MAPK6: variants seen among roughly 807,000 people sequenced by gnomAD.
The protein encoded by MAPK6 is ERK-3.
A neutral mutation model predicts 59.3 loss-of-function variants in MAPK6; 19 were observed. The observed-to-expected ratio is 0.32, with a 90% CI of 0.22 to 0.47. The LOEUF (loss-of-function observed/expected upper bound fraction) is 0.47. Among genes scored for constraint, MAPK6 ranks in the 20% least tolerant of loss-of-function variants. MAPK6 has a pLI of 1.00. For synonymous variants in MAPK6, 316 were observed against 290.3 expected (o/e 1.09, Z -0.90); for missense variants, 724 against 847.9 (o/e 0.85, Z 1.81).
chr15:52,036,660 G>A (rs868224911), intron 1 of MAPK6, among the ~76,000 whole-genome samples: 9 of 152,184 alleles, frequency 5.9e-5, no homozygotes, highest in Admixed American at 1.3e-4. Flanking sequence ...TCAAAGCATG[G>A]CACGGGCCTA....
At chr15:52,058,494 A>G (rs1430465725) in intron 3 of MAPK6, 139 bp from the exon 4 acceptor site, 5 of 633,444 alleles carry the variant, frequency 7.9e-6, no homozygotes, top group African/African-American at 3.7e-5. Context: ...GTGATAGTCA[A>G]AGCAATGAAA....
chr15:52,018,555 C>T (rs558339694), upstream of MAPK6: 1 of 152,226 alleles, frequency 6.6e-6, no homozygotes, highest in Admixed American at 6.5e-5. Flanking sequence ...TGCTTTTAGC[C>T]AAGTGGGCCC....
chr15:52,064,626 G>C lies in MAPK6; in HGVS notation c.1792G>C (p.Val598Leu). ...CCAGTCTTCTTGGGACAGCCAGTTT[G>C]TGAGTGGTGGGGAGGACTGTTTTTT... Reference protein sequence around the residue: ...LYQSSWDSQFVSGGEDCFFIN... With the variant: ...LYQSSWDSQFLSGGEDCFFIN... Residue 598 changes from valine to leucine, a missense_variant, in exon 6 of 6, where the codon GTG (valine) becomes CTG (leucine). Val to Leu is a conservative substitution (Grantham distance 32). Transcript: ENST00000261845. The C allele has an allele frequency of 1.2e-6, 2 of 1,611,832 alleles. No homozygotes were observed. The highest frequency in any genetic ancestry group is 8.5e-7 in the Non-Finnish European group (1 of 1,179,730).
intron 2 of MAPK6, among the ~76,000 whole-genome samples, chr15:51,985,750 ACATCAAGAC>A (rs1185178623): frequency 6.6e-6 from 1 of 152,132 alleles, no homozygotes; most frequent in Non-Finnish European, 1.5e-5. Context: ...CAAGGTCAGG[ACATCAAGAC>A]CATCCTGGCT....
intron 2 of MAPK6, among the ~76,000 whole-genome samples, chr15:51,999,250 C>T (rs1259898120): frequency 1.3e-5 from 2 of 152,040 alleles, no homozygotes; most frequent in African/African-American, 4.8e-5. Flanking sequence ...CACCTGCCCT[C>T]AGCCTCCCAA....
chr15:52,033,798 T>A (rs1411170713), intron 1 of MAPK6: 2 of 152,108 alleles, frequency 1.3e-5, no homozygotes, highest in Non-Finnish European at 2.9e-5. Context: ...TTTTTTATTT[T>A]ATTTTTTCCT....
chr15:52,018,194 C>T (rs1057513971), upstream of MAPK6, among the ~76,000 whole-genome samples: 1 of 151,200 alleles, frequency 6.6e-6, no homozygotes, highest in Admixed American at 6.7e-5. Flanking sequence ...CACCCGGCTA[C>T]TTTTTGTATT....
In MAPK6 at chr15:52,065,761, TGGCACTATG is replaced by T. The variant is rs2032397711; in HGVS notation, c.*763_*771del. Reference sequence around the variant, plus strand: ...GCAAATATACTTTACTTTTTCCATTTGGCACTATGGTTTGTTGCCTACCTAGCTGCATCT... The same window carrying T: ...GCAAATATACTTTACTTTTTCCATTTGTTTGTTGCCTACCTAGCTGCATCT... On this transcript the variant is annotated 3_prime_UTR_variant, in exon 6 of 6. Coordinates refer to ENST00000261845, the MANE Select transcript of MAPK6 (RefSeq NM_002748.4). The T allele has an allele frequency of 6.6e-6, 1 of 152,588 alleles. No individual in the cohort carries two copies. Among genetic ancestry groups the T allele is most frequent in the Non-Finnish European group, 1.5e-5 (1 of 68,022 alleles). The allele number at this position is 152,588 out of a possible 1,614,324, so 9.5% of individuals were successfully genotyped here.
chr15:51,974,733 C>T (rs187207024), intron 1 of MAPK6, among the ~76,000 whole-genome samples: 7 of 150,640 alleles, frequency 4.6e-5, no homozygotes, highest in East Asian at 2.0e-4. Context: ...TTTCCCCCCC[C>T]GCAAGACAGA....
chr15:52,051,875 A>C (rs929853134), intron 3 of MAPK6, among the ~76,000 whole-genome samples: 13 of 152,144 alleles, frequency 8.5e-5, no homozygotes, highest in Non-Finnish European at 1.6e-4. Context: ...GTCTCAAAAA[A>C]AAAAAAAAAA....
chr15:52,026,124 A>G (rs1338254825), intron 1 of MAPK6, among the ~76,000 whole-genome samples: 1 of 152,166 alleles, frequency 6.6e-6, no homozygotes, highest in Non-Finnish European at 1.5e-5. Flanking sequence ...GTAGCTATTA[A>G]GTTTTCCTTA....
chr15:52,054,688 T>G (rs979063861), intron 3 of MAPK6, among the ~76,000 whole-genome samples: 1 of 151,704 alleles, frequency 6.6e-6, no homozygotes, highest in Non-Finnish European at 1.5e-5. Context: ...ATTTTTTACC[T>G]TCTCGAATGA....
chr15:51,984,301 A>T (rs1451114502), intron 2 of MAPK6, among the ~76,000 whole-genome samples: 2 of 152,058 alleles, frequency 1.3e-5, no homozygotes, highest in African/African-American at 4.8e-5. Context: ...TTTTTTTCTG[A>T]GATGGAGTTT....
chr15:51,979,231 AAAG>A (rs1157132785), intron 1 of MAPK6, among the ~76,000 whole-genome samples: 1 of 151,378 alleles, frequency 6.6e-6, no homozygotes, highest in Non-Finnish European at 1.5e-5. Flanking sequence ...AAGAGAAAGA[AAAG>A]GAAGGAAGGA....
chr15:51,994,096 G>T (rs1267130702), intron 2 of MAPK6, among the ~76,000 whole-genome samples: 1 of 152,078 alleles, frequency 6.6e-6, no homozygotes, highest in Non-Finnish European at 1.5e-5. Flanking sequence ...GAATAGCTGG[G>T]ATTACAGGCA....
At chr15:52,039,619 G>A (rs1315274402) in intron 1 of MAPK6, among the ~76,000 whole-genome samples, 4 of 149,258 alleles carry the variant, frequency 2.7e-5, no homozygotes, top group African/African-American at 7.4e-5. Context: ...AGGTTCAAGC[G>A]ATTCTCCAAC....
chr15:52,051,193 G>A (rs2031766387), intron 3 of MAPK6, among the ~76,000 whole-genome samples: 1 of 152,138 alleles, frequency 6.6e-6, no homozygotes, highest in Non-Finnish European at 1.5e-5. Flanking sequence ...GAGTAGCTGG[G>A]ACTACAGGCG....
At chr15:52,007,869 C>T (rs539940297) in intron 3 of MAPK6, among the ~76,000 whole-genome samples, 78 of 141,490 alleles carry the variant, frequency 5.5e-4, no homozygotes, top group African/African-American at 1.9e-3. Context: ...TTTTTTGAGA[C>T]GGAGTTCCAC....
chr15:51,975,120 A>G (rs1384236380), intron 1 of MAPK6, among the ~76,000 whole-genome samples: 1 of 151,938 alleles, frequency 6.6e-6, no homozygotes, highest in Non-Finnish European at 1.5e-5. Context: ...TCATAAGGTG[A>G]AGCTAGATCC....
Sources: gnomAD v4.1 joint callset for allele counts (sites outside exome capture counted in the v4.1 genomes callset) on GRCh38, gnomAD v4.1.1 for gene constraint, MANE v1.5 for transcripts, NCBI Gene and HGNC (gene_info 2026-07-23, HGNC 2026-07-21) for gene names.